ATP6V1H: variants seen among roughly 807,000 people sequenced by gnomAD.
ATP6V1H encodes the protein V-type proton ATPase subunit H.
A neutral mutation model predicts 71.7 loss-of-function variants in ATP6V1H; 39 were observed. That is an observed-to-expected ratio of 0.54 (90% CI 0.42 to 0.71). The LOEUF is 0.71. ATP6V1H is among the 30% of genes least tolerant of loss of function. The pLI is 0.00. For synonymous variants in ATP6V1H, 192 were observed against 199.3 expected (o/e 0.96, Z 0.31); for missense variants, 509 against 594.9 (o/e 0.86, Z 1.50).
chr8:53,789,598 T>A (rs781739466), intron 9 of ATP6V1H, among the ~76,000 whole-genome samples: 1 of 152,068 alleles, frequency 6.6e-6, no homozygotes, highest in Non-Finnish European at 1.5e-5. Flanking sequence ...GGAAAAGATA[T>A]AAGGGAAAGA....
chr8:53,766,812 C>A (rs1255320899), intron 11 of ATP6V1H, among the ~76,000 whole-genome samples: 1 of 152,160 alleles, frequency 6.6e-6, no homozygotes, highest in African/African-American at 2.4e-5. Context: ...ATCTCAAAAC[C>A]CTGTCTCCTG....
Position 53,798,556 on chromosome 8 carries a change from T to C in ATP6V1H, c.678-2717A>G, listed in dbSNP as rs142028233. On this transcript the variant is annotated intron_variant, in intron 8 of 13. Transcript: ENST00000359530. Reference sequence around the variant, plus strand: ...CCTCAGTTATCTTCCTCTCTTCAAATGGGCTATACTTGAAAATTTTTCTCC... The same window carrying C: ...CCTCAGTTATCTTCCTCTCTTCAAACGGGCTATACTTGAAAATTTTTCTCC... Among the ~76,000 whole-genome samples the C allele has an allele frequency of 8.4e-3, 1,283 of 151,916 alleles. 4 individuals carry two copies. The highest frequency in any genetic ancestry group is 0.015 in the South Asian group (73 of 4,814).
intron 9 of ATP6V1H, among the ~76,000 whole-genome samples, chr8:53,784,762 G>C (rs1809307043): frequency 1.3e-5 from 2 of 152,166 alleles, no homozygotes; most frequent in Non-Finnish European, 2.9e-5. Context: ...GCATTTGCTT[G>C]TCTGTAAATG....
At chr8:53,831,440 C>G (rs1422990882) in intron 3 of ATP6V1H, among the ~76,000 whole-genome samples, 1 of 152,224 alleles carries the variant, frequency 6.6e-6, no homozygotes, top group Non-Finnish European at 1.5e-5. Context: ...ATTACATACA[C>G]AGTCCAACAC....
chr8:53,742,378 A>T (rs1221287820), intron 13 of ATP6V1H, among the ~76,000 whole-genome samples: 3 of 152,172 alleles, frequency 2.0e-5, no homozygotes, highest in Non-Finnish European at 2.9e-5. Context: ...GTTCGTTACT[A>T]CTTCACAGCC....
chr8:53,791,367 T>G (rs1450626885), intron 9 of ATP6V1H, among the ~76,000 whole-genome samples: 1 of 152,160 alleles, frequency 6.6e-6, no homozygotes, highest in Non-Finnish European at 1.5e-5. Context: ...ACTGAAATAT[T>G]CATGTTGGCC....
chr8:53,762,451 C>G (rs976823081), intron 11 of ATP6V1H, among the ~76,000 whole-genome samples: 1 of 152,002 alleles, frequency 6.6e-6, no homozygotes, highest in Non-Finnish European at 1.5e-5. Flanking sequence ...ATCGAAATAC[C>G]CGTCAAACCA....
chr8:53,823,536 G>C (rs921086950), intron 4 of ATP6V1H, among the ~76,000 whole-genome samples: 3 of 152,190 alleles, frequency 2.0e-5, no homozygotes, highest in African/African-American at 7.2e-5. Flanking sequence ...GCAGTGCAAT[G>C]GCACAATCTC....
rs367913232 is a variant in ATP6V1H, at chr8:53,829,422, G to C, written c.306+22C>G. The C allele has an allele frequency of 3.2e-5, 50 of 1,538,638 alleles. 1 individual carries two copies. The highest frequency in any genetic ancestry group is 1.8e-4 in the East Asian group (8 of 44,226). On this transcript the variant is annotated intron_variant, in intron 4 of 13. Coordinates refer to ENST00000359530, the MANE Select transcript of ATP6V1H (RefSeq NM_015941.4). Reference sequence around the variant, plus strand: ...GCAAAAAAATGAAGTCACCAAATGTGTTAAGTAAAGAATATACCTACCTGC... The same window carrying C: ...GCAAAAAAATGAAGTCACCAAATGTCTTAAGTAAAGAATATACCTACCTGC...
At chr8:53,829,058 C>T (rs570035342) in intron 4 of ATP6V1H, among the ~76,000 whole-genome samples, 2 of 152,192 alleles carry the variant, frequency 1.3e-5, no homozygotes, top group Non-Finnish European at 2.9e-5. Flanking sequence ...CCTCCAGGGC[C>T]CGGCACTGGC....
intron 12 of ATP6V1H, among the ~76,000 whole-genome samples, chr8:53,752,721 T>C (rs1807843724): frequency 6.6e-6 from 1 of 152,108 alleles, no homozygotes. Context: ...CAGCTAATTT[T>C]TCTATTTTTA....
chr8:53,718,785 T>C (rs909768156), intron 13 of ATP6V1H, among the ~76,000 whole-genome samples: 2 of 152,192 alleles, frequency 1.3e-5, no homozygotes, highest in African/African-American at 4.8e-5. Context: ...CAGCACCTCC[T>C]TTCTTCTGCC....
intron 13 of ATP6V1H, among the ~76,000 whole-genome samples, chr8:53,716,913 G>A (rs938558621): frequency 6.6e-6 from 1 of 152,180 alleles, no homozygotes; most frequent in Non-Finnish European, 1.5e-5. Flanking sequence ...CTATTTAAAA[G>A]TTTTCCTCTT....
intron 9 of ATP6V1H, among the ~76,000 whole-genome samples, chr8:53,772,951 A>T (rs539938301): frequency 1.3e-5 from 2 of 150,046 alleles, no homozygotes; most frequent in Non-Finnish European, 3.0e-5. Context: ...CTCCAATTGT[A>T]AAAAAACTTG....
At chr8:53,801,757 G>T in intron 8 of ATP6V1H, 42 bp downstream of exon 8, 1 of 1,448,552 alleles carries the variant, frequency 6.9e-7, no homozygotes, top group Non-Finnish European at 9.6e-7. Flanking sequence ...AAGGAGAGAT[G>T]CTTGTAAATG....
chr8:53,801,841 T>G lies in ATP6V1H; in HGVS notation c.635A>C (p.Asn212Thr). 1 of 1,614,038 alleles carries G rather than the reference T, an allele frequency of 6.2e-7. No homozygotes were observed. Among genetic ancestry groups the G allele is most frequent in the Non-Finnish European group, 8.5e-7 (1 of 1,179,986 alleles). Residue 212 changes from asparagine to threonine, a missense_variant, in exon 8 of 14, where the codon AAT (asparagine) becomes ACT (threonine). Asn to Thr is a moderately conservative substitution (Grantham distance 65). Coordinates refer to ENST00000359530, the MANE Select transcript of ATP6V1H (RefSeq NM_015941.4). ...TTCCACCCAAGCAAAGCGGTACTCA[T>G]TGACCCGGAGCATCAGCTGCAAACA... Reference protein sequence around the residue: ...AGCLQLMLRVNEYRFAWVEAD... With the variant: ...AGCLQLMLRVTEYRFAWVEAD...
In ATP6V1H at chr8:53,823,137, T is replaced by G. The variant is rs146623656; in HGVS notation, c.307-5607A>C. Among the ~76,000 whole-genome samples the G allele has an allele frequency of 2.3e-3, 344 of 151,882 alleles. 2 individuals are homozygous for G. Among genetic ancestry groups the G allele is most frequent in the African/African-American group, 7.9e-3 (327 of 41,486 alleles). The stretch of plus-strand genomic sequence containing the variant: ...ACCTGTATCCTAAATAATAACATAA[T>G]CAATAAAGTAGATCTGATAAATATA... On this transcript the variant is annotated intron_variant, in intron 4 of 13. Coordinates refer to ENST00000359530, the MANE Select transcript of ATP6V1H (RefSeq NM_015941.4).
Position 53,818,732 on chromosome 8 carries a change from C to A in ATP6V1H, c.307-1202G>T, listed in dbSNP as rs984411949. 4.6e-5 allele frequency among the ~76,000 whole-genome samples: 7 copies of A among 152,112 alleles called. No homozygotes were observed. The East Asian group carries it at 1.3e-3, about 29-fold the overall frequency. On this transcript the variant is annotated intron_variant, in intron 4 of 13. Transcript: ENST00000359530. ...AATCCTCAAAATCAGGTGCTAAAAA[C>A]TAAGCATGTGAGGAAACATAAGCAA...
At chr8:53,756,729 T>G (rs144525900) in intron 11 of ATP6V1H, 73 bp from the exon 12 acceptor site, 2 of 871,892 alleles carry the variant, frequency 2.3e-6, no homozygotes, top group East Asian at 5.3e-5. Flanking sequence ...ACAGGTATAA[T>G]GAAGATATCT....
Sources: gnomAD v4.1 joint callset for allele counts (sites outside exome capture counted in the v4.1 genomes callset) on GRCh38, gnomAD v4.1.1 for gene constraint, MANE v1.5 for transcripts, NCBI Gene and HGNC (gene_info 2026-07-23, HGNC 2026-07-21) for gene names.